The following KCNAB1 variants were observed in gnomAD, a reference collection of about 807,000 sequenced individuals.
KCNAB1 encodes potassium voltage-gated channel subfamily A regulatory beta subunit 1, also known as voltage-gated potassium channel subunit beta-1.
KCNAB1 carries 35 observed loss-of-function variants against 64.6 expected under a neutral mutation model. The observed-to-expected ratio is 0.54, with a 90% CI of 0.41 to 0.72. KCNAB1 has a LOEUF of 0.72. Among genes scored for constraint, KCNAB1 ranks in the 30% least tolerant of loss-of-function variants. The pLI is 0.00. For missense variants in KCNAB1, 401 were observed against 512.9 expected (o/e 0.78, Z 2.11); for synonymous variants, 177 against 183.8 (o/e 0.96, Z 0.30).
At chr3:156,276,333 T>A (rs1337920483) in intron 1 of KCNAB1, among the ~76,000 whole-genome samples, 2 of 152,092 alleles carry the variant, frequency 1.3e-5, no homozygotes, top group Non-Finnish European at 2.9e-5. Flanking sequence ...ACAGGCAGAG[T>A]AGATTTAGCA....
intron 1 of KCNAB1, among the ~76,000 whole-genome samples, chr3:156,256,845 A>G (rs1041316449): frequency 1.3e-5 from 2 of 152,144 alleles, no homozygotes; most frequent in Non-Finnish European, 2.9e-5. Context: ...GATTGGAGGA[A>G]GGTAGGGAGG....
intron 1 of KCNAB1, among the ~76,000 whole-genome samples, chr3:156,248,770 G>A (rs973996333): frequency 6.6e-6 from 1 of 152,162 alleles, no homozygotes; most frequent in Admixed American, 6.5e-5. Flanking sequence ...TTGCTGCCCA[G>A]CAAGATAGTA....
In KCNAB1 at chr3:156,465,766, A is replaced by G; in HGVS notation, c.571+80A>G. 7.7e-6 allele frequency: 9 copies of G among 1,162,702 alleles called. No individual in the cohort carries two copies. In the South Asian group the frequency reaches 1.0e-4, roughly 13 times the overall value. The allele number at this position is 1,162,702 out of a possible 1,614,324, so 72.0% of individuals were successfully genotyped here. ...GGTATCAACCAAACAAATTCAGAAC[A>G]CACTGGAAGAGGAAAAAGTTCTATA... On this transcript the variant is annotated intron_variant, in intron 7 of 13. Coordinates refer to ENST00000490337, the MANE Select transcript of KCNAB1 (RefSeq NM_172160.3).
intron 8 of KCNAB1, among the ~76,000 whole-genome samples, chr3:156,509,857 A>G (rs573123912): frequency 2.6e-5 from 4 of 152,358 alleles, no homozygotes; most frequent in South Asian, 2.1e-4. Flanking sequence ...ACTTAACAGT[A>G]TCTAGAAGAC....
intron 1 of KCNAB1, among the ~76,000 whole-genome samples, chr3:156,140,782 G>A (rs1402125521): frequency 6.6e-6 from 1 of 152,220 alleles, no homozygotes; most frequent in East Asian, 1.9e-4. Flanking sequence ...GTTTAGAAGT[G>A]TGAAGTGAGG....
At chr3:156,201,836 T>G (rs1490023995) in intron 1 of KCNAB1, among the ~76,000 whole-genome samples, 1 of 152,158 alleles carries the variant, frequency 6.6e-6, no homozygotes, top group Non-Finnish European at 1.5e-5. Context: ...TCAGGCAGGC[T>G]AGTGCATGTC....
At chr3:156,240,187 C>A (rs1717081455) in intron 1 of KCNAB1, among the ~76,000 whole-genome samples, 1 of 152,186 alleles carries the variant, frequency 6.6e-6, no homozygotes. Context: ...TACAGTCCAG[C>A]TGAGGAAAGA....
chr3:156,387,704 A>G (rs1246217136), intron 1 of KCNAB1, among the ~76,000 whole-genome samples: 1 of 152,216 alleles, frequency 6.6e-6, no homozygotes, highest in African/African-American at 2.4e-5. Context: ...ATATAAACAT[A>G]CTTAACAAGC....
intron 1 of KCNAB1, among the ~76,000 whole-genome samples, chr3:156,155,522 A>G (rs1715665208): frequency 6.6e-6 from 1 of 152,222 alleles, no homozygotes; most frequent in African/African-American, 2.4e-5. Flanking sequence ...CTGAGAAGAC[A>G]GCATTTGAAT....
At chr3:156,276,127 T>A (rs976240556) in intron 1 of KCNAB1, among the ~76,000 whole-genome samples, 1 of 152,232 alleles carries the variant, frequency 6.6e-6, no homozygotes, top group South Asian at 2.1e-4. Flanking sequence ...TTAGCAGGCA[T>A]GAAAACAACA....
chr3:156,311,445 G>A (rs1332350396), intron 1 of KCNAB1, among the ~76,000 whole-genome samples: 2 of 152,300 alleles, frequency 1.3e-5, no homozygotes, highest in African/African-American at 4.8e-5. Context: ...GAGAAGGTAG[G>A]GGTTGGGTCC....
chr3:156,488,868 G>A (rs1371050289), intron 8 of KCNAB1, among the ~76,000 whole-genome samples: 1 of 152,128 alleles, frequency 6.6e-6, no homozygotes, highest in Non-Finnish European at 1.5e-5. Context: ...GATAAATAAT[G>A]AAGTTAGAGG....
intron 2 of KCNAB1, among the ~76,000 whole-genome samples, chr3:156,429,698 G>A (rs1015869191): frequency 1.6e-4 from 25 of 152,210 alleles, no homozygotes; most frequent in Non-Finnish European, 3.4e-4. Flanking sequence ...CATTCTTGTT[G>A]TTTAGGCCGA....
chr3:156,380,249 G>T (rs2108145623), intron 1 of KCNAB1, among the ~76,000 whole-genome samples: 1 of 152,184 alleles, frequency 6.6e-6, no homozygotes, highest in East Asian at 1.9e-4. Flanking sequence ...ACATGTGGCA[G>T]CTTTGTCTTC....
chr3:156,127,512 A>G (rs1026785350), intron 1 of KCNAB1, among the ~76,000 whole-genome samples: 2 of 152,222 alleles, frequency 1.3e-5, no homozygotes, highest in Non-Finnish European at 2.9e-5. Context: ...GTTGTTTTGC[A>G]TATTAGAGAA....
chr3:156,165,908 C>T (rs1711536415), intron 1 of KCNAB1, among the ~76,000 whole-genome samples: 1 of 152,132 alleles, frequency 6.6e-6, no homozygotes, highest in Admixed American at 6.6e-5. Context: ...TCTCTGCCTT[C>T]TTGTTGGATC....
intron 13 of KCNAB1, 100 bp from the exon 14 acceptor site, chr3:156,536,558 A>C (rs1464556518): frequency 2.5e-6 from 2 of 812,240 alleles, no homozygotes; most frequent in Non-Finnish European, 2.1e-6. Context: ...TGGTTTATGA[A>C]GATATATGAT....
intron 1 of KCNAB1, among the ~76,000 whole-genome samples, chr3:156,209,421 A>G (rs1714879284): frequency 6.6e-6 from 1 of 152,252 alleles, no homozygotes; most frequent in Non-Finnish European, 1.5e-5. Flanking sequence ...CTGCCTATGT[A>G]CAATGCTTAC....
intron 2 of KCNAB1, among the ~76,000 whole-genome samples, chr3:156,433,517 G>T (rs16826122): frequency 0.033 from 5,035 of 152,230 alleles, 265 homozygotes; most frequent in African/African-American, 0.12. Context: ...GGATAGATTG[G>T]GAAGGAGCCA....
Sources: gnomAD v4.1 joint callset for allele counts (sites outside exome capture counted in the v4.1 genomes callset) on GRCh38, gnomAD v4.1.1 for gene constraint, MANE v1.5 for transcripts, NCBI Gene and HGNC (gene_info 2026-07-23, HGNC 2026-07-21) for gene names.